Variants in PLEKHA5 observed in about 807,000 individuals in gnomAD.
PLEKHA5 encodes pleckstrin homology domain containing A5.
A neutral mutation model predicts 181.9 loss-of-function variants in PLEKHA5; 55 were observed. That is an observed-to-expected ratio of 0.30 (90% confidence interval 0.24 to 0.38). The LOEUF (loss-of-function observed/expected upper bound fraction) is 0.38. Among genes scored for constraint, PLEKHA5 ranks in the 10% least tolerant of loss-of-function variants. PLEKHA5 has a pLI of 1.00. For missense variants in PLEKHA5, 1,432 were observed against 1,549.5 expected (o/e 0.92, Z 1.27); for synonymous variants, 535 against 529.4 (o/e 1.01, Z -0.15).
intron 3 of PLEKHA5, among the ~76,000 whole-genome samples, chr12:19,145,177 G>GGT (rs1407763456): frequency 6.6e-6 from 1 of 152,028 alleles, no homozygotes; most frequent in African/African-American, 2.4e-5. Flanking sequence ...TTGTGTGAGG[G>GGT]GAGTGTGTGT....
chr12:19,251,710 T>G (rs1266269017), intron 3 of PLEKHA5, among the ~76,000 whole-genome samples: 4 of 146,830 alleles, frequency 2.7e-5, no homozygotes, highest in Non-Finnish European at 4.5e-5. Flanking sequence ...GAACTGATGA[T>G]TCTCTTGATC....
intron 15 of PLEKHA5, chr12:19,307,642 A>AT (rs2084518972): frequency 3.1e-6 from 1 of 320,924 alleles, no homozygotes; most frequent in African/African-American, 2.2e-5. Context: ...GAGTGATTAC[A>AT]TTGTCAGTCT....
At chr12:19,303,382 A>C (rs1484974115) in intron 15 of PLEKHA5, 1 of 152,148 alleles carries the variant, frequency 6.6e-6, no homozygotes, top group Non-Finnish European at 1.5e-5. Context: ...GGAGCATTTT[A>C]CCTCATGAGT....
chr12:19,277,374 G>T (rs995585787), intron 11 of PLEKHA5, among the ~76,000 whole-genome samples: 8 of 152,254 alleles, frequency 5.3e-5, no homozygotes, highest in Non-Finnish European at 1.0e-4. Flanking sequence ...TTTAAAAATT[G>T]TGAAGTATAA....
chr12:19,187,638 A>T (rs535209875), intron 3 of PLEKHA5, among the ~76,000 whole-genome samples: 1 of 152,296 alleles, frequency 6.6e-6, no homozygotes, highest in African/African-American at 2.4e-5. Context: ...ATCCTACTGG[A>T]TATAAAAGTC....
intron 3 of PLEKHA5, among the ~76,000 whole-genome samples, chr12:19,194,263 C>G (rs1000248595): frequency 6.6e-6 from 1 of 152,100 alleles, no homozygotes; most frequent in Non-Finnish European, 1.5e-5. Context: ...CATGTTGCTG[C>G]GAAAGAAATG....
chr12:19,327,239 CTG>C (rs1491543554), intron 20 of PLEKHA5, among the ~76,000 whole-genome samples: 5 of 89,420 alleles, frequency 5.6e-5, no homozygotes, highest in African/African-American at 8.9e-5. Context: ...TTGCCAGCAT[CTG>C]TTTTTGTTTT....
chr12:19,325,762 A>C (rs2091952379), intron 20 of PLEKHA5, among the ~76,000 whole-genome samples: 1 of 151,788 alleles, frequency 6.6e-6, no homozygotes, highest in Non-Finnish European at 1.5e-5. Flanking sequence ...TAATCTTAGC[A>C]CTTTGGGAGG....
chr12:19,362,527 C>T (rs561593326), intron 29 of PLEKHA5, among the ~76,000 whole-genome samples: 2 of 152,140 alleles, frequency 1.3e-5, no homozygotes, highest in East Asian at 1.9e-4. Flanking sequence ...GAGTGAGACT[C>T]CATCTCAAAA....
intron 3 of PLEKHA5, among the ~76,000 whole-genome samples, chr12:19,146,237 A>G (rs929794576): frequency 7.9e-5 from 12 of 152,200 alleles, no homozygotes; most frequent in Admixed American, 6.5e-5. Context: ...GGCTAGGCCA[A>G]TGGGCAAAAA....
intron 3 of PLEKHA5, among the ~76,000 whole-genome samples, chr12:19,250,613 AT>A (rs1165476800): frequency 2.0e-5 from 3 of 152,158 alleles, no homozygotes; most frequent in Non-Finnish European, 2.9e-5. Flanking sequence ...ATAAAAAAAA[AT>A]AAAGACTTGA....
chr12:19,216,946 C>T (rs1240482250), intron 3 of PLEKHA5, among the ~76,000 whole-genome samples: 1 of 152,122 alleles, frequency 6.6e-6, no homozygotes, highest in Non-Finnish European at 1.5e-5. Flanking sequence ...TCCATGACTT[C>T]TTTTCTCAAT....
intron 7 of PLEKHA5, among the ~76,000 whole-genome samples, chr12:19,261,394 T>C (rs2068443808): frequency 6.6e-6 from 1 of 152,226 alleles, no homozygotes; most frequent in Non-Finnish European, 1.5e-5. Flanking sequence ...CAGCAAATGA[T>C]ATTAGAATAT....
intron 3 of PLEKHA5, among the ~76,000 whole-genome samples, chr12:19,171,108 A>T (rs530134671): frequency 4.7e-4 from 72 of 152,246 alleles, no homozygotes; most frequent in African/African-American, 1.7e-3. Context: ...TCAGAGAAAA[A>T]CCCCAGACAC....
At chr12:19,237,308 T>C (rs1286917850) in intron 3 of PLEKHA5, among the ~76,000 whole-genome samples, 1 of 152,184 alleles carries the variant, frequency 6.6e-6, no homozygotes, top group Non-Finnish European at 1.5e-5. Flanking sequence ...TAGTCTCTCC[T>C]TAACTTTAGG....
chr12:19,195,762 T>G (rs1403573619), intron 3 of PLEKHA5, among the ~76,000 whole-genome samples: 1 of 151,724 alleles, frequency 6.6e-6, no homozygotes, highest in Non-Finnish European at 1.5e-5. Flanking sequence ...TAGGTATATA[T>G]CTATGAGATA....
At chr12:19,360,519 G>T (rs1037982285) in intron 28 of PLEKHA5, among the ~76,000 whole-genome samples, 1 of 151,548 alleles carries the variant, frequency 6.6e-6, no homozygotes, top group Non-Finnish European at 1.5e-5. Context: ...CAGGAGAATC[G>T]CTTGAACCCG....
chr12:19,156,199 T>A (rs2041659846), intron 3 of PLEKHA5, among the ~76,000 whole-genome samples: 1 of 103,700 alleles, frequency 9.6e-6, no homozygotes, highest in Non-Finnish European at 2.0e-5. Context: ...TTGATTTGTT[T>A]TTTTTCCTTT....
chr12:19,145,420 G>T (rs2038667136), intron 3 of PLEKHA5, among the ~76,000 whole-genome samples: 1 of 152,036 alleles, frequency 6.6e-6, no homozygotes, highest in African/African-American at 2.4e-5. Flanking sequence ...TGCTCCCCAA[G>T]AAGTTATAAG....
Sources: allele counts gnomAD v4.1 joint callset (sites outside exome capture counted in the v4.1 genomes callset), GRCh38; gene constraint gnomAD v4.1.1; transcripts MANE v1.5; gene names NCBI Gene and HGNC (gene_info 2026-07-23, HGNC 2026-07-21).